GPC5: variants seen among roughly 807,000 people sequenced by gnomAD.
The protein encoded by GPC5 is glypican-5.
GPC5 carries 47 observed loss-of-function variants against 53.9 expected under a neutral mutation model. The observed-to-expected ratio is 0.87, with a 90% CI of 0.69 to 1.11. The LOEUF is 1.11. Ranked by LOEUF, GPC5 falls within the 50% of genes most tolerant of loss-of-function variation. The pLI is 0.00. For missense variants in GPC5, 748 were observed against 713.1 expected, an observed-to-expected ratio of 1.05 and a Z score of -0.56; for synonymous variants, 286 against 263.3, an observed-to-expected ratio of 1.09 and a Z score of -0.84.
rs1566549668 is a variant in GPC5 at position 92,347,869 on chromosome 13, TATATAA to T, written c.1561+202881_1561+202886del. Among the ~76,000 whole-genome samples, 7 of 8,792 alleles carry T rather than the reference TATATAA, an allele frequency of 8.0e-4. 2 individuals carry two copies. Among genetic ancestry groups the T allele is most frequent in the Non-Finnish European group, 1.1e-3 (7 of 6,088 alleles). 5.8% of individuals were successfully genotyped at this position (8,792 alleles called of 152,430 possible). The stretch of plus-strand genomic sequence containing the variant: ...CTGTTTTATACATATATATATTATA[TATATAA>T]TATATATTATATATATTATATATAT... On this transcript the variant is annotated intron_variant, in intron 7 of 7. Coordinates refer to ENST00000377067, the MANE Select transcript of GPC5 (RefSeq NM_004466.6).
At position 92,326,887 on chromosome 13, in the gene GPC5, A is replaced by T. The variant is rs150298635; in HGVS notation, c.1561+181898A>T. Among the ~76,000 whole-genome samples the T allele has an allele frequency of 5.8e-3, 875 of 152,114 alleles. 6 individuals carry two copies. Among genetic ancestry groups the T allele is most frequent in the African/African-American group, 0.02 (840 of 41,514 alleles). On this transcript the variant is annotated intron_variant, in intron 7 of 7. Coordinates refer to ENST00000377067, the MANE Select transcript of GPC5 (RefSeq NM_004466.6). Reference sequence around the variant, plus strand: ...GCATCAGGCTCTATGGTCAGGGAGGAATGTCCCTTACTAGCCGTAAACATT... The same window carrying T: ...GCATCAGGCTCTATGGTCAGGGAGGTATGTCCCTTACTAGCCGTAAACATT...
intron 7 of GPC5, among the ~76,000 whole-genome samples, chr13:92,319,209 G>A (rs2043199775): frequency 6.6e-6 from 1 of 152,014 alleles, no homozygotes; most frequent in Non-Finnish European, 1.5e-5. Flanking sequence ...AACAAGTGAG[G>A]ATTTGAATAT....
At chr13:92,231,884 T>C (rs546067597) in intron 7 of GPC5, among the ~76,000 whole-genome samples, 29 of 152,260 alleles carry the variant, frequency 1.9e-4, no homozygotes, top group African/African-American at 7.0e-4. Flanking sequence ...GAGAATCGCT[T>C]GAAACCGGAA....
At chr13:92,238,080 T>C (rs7997543) in intron 7 of GPC5, among the ~76,000 whole-genome samples, 97,168 of 151,534 alleles carry the variant, frequency 0.64, 32,069 homozygotes, top group African/African-American at 0.79. Flanking sequence ...GGATATCATT[T>C]AATGGTCACC....
intron 7 of GPC5, among the ~76,000 whole-genome samples, chr13:92,696,166 A>G (rs1887550242): frequency 6.6e-6 from 1 of 152,162 alleles, no homozygotes; most frequent in East Asian, 1.9e-4. Context: ...ATACGTGTGC[A>G]TGTGTCTTTA....
At chr13:91,422,926 C>G (rs1356389860) in intron 1 of GPC5, among the ~76,000 whole-genome samples, 1 of 152,168 alleles carries the variant, frequency 6.6e-6, no homozygotes, top group Non-Finnish European at 1.5e-5. Context: ...GGCCTCATGT[C>G]TTAATACTGT....
At chr13:91,781,837 T>G (rs537631595) in intron 5 of GPC5, among the ~76,000 whole-genome samples, 2 of 152,288 alleles carry the variant, frequency 1.3e-5, no homozygotes, top group Admixed American at 6.5e-5. Context: ...AACAATAAAC[T>G]TCCACTCTTC....
chr13:91,544,581 C>T (rs1194280825), intron 2 of GPC5, among the ~76,000 whole-genome samples: 1 of 152,144 alleles, frequency 6.6e-6, no homozygotes, highest in East Asian at 1.9e-4. Context: ...AAGTTGTATT[C>T]ATATTTCTTC....
intron 7 of GPC5, among the ~76,000 whole-genome samples, chr13:92,226,682 TCTG>T (rs2139095005): frequency 6.6e-6 from 1 of 151,650 alleles, no homozygotes; most frequent in African/African-American, 2.4e-5. Flanking sequence ...CACTGCCACC[TCTG>T]CCTCCTGGGT....
chr13:92,202,088 T>A (rs1472270093), intron 7 of GPC5, among the ~76,000 whole-genome samples: 1 of 152,194 alleles, frequency 6.6e-6, no homozygotes, highest in East Asian at 1.9e-4. Flanking sequence ...CAGAAGTCAG[T>A]CTCAAACATT....
chr13:91,972,412 CTT>C (rs1180530699), intron 6 of GPC5, among the ~76,000 whole-genome samples: 18 of 152,180 alleles, frequency 1.2e-4, no homozygotes, highest in African/African-American at 2.6e-4. Context: ...GGTCTTGACT[CTT>C]TATCCAATTT....
chr13:92,537,334 A>G (rs1462638370), intron 7 of GPC5, among the ~76,000 whole-genome samples: 1 of 152,162 alleles, frequency 6.6e-6, no homozygotes, highest in Admixed American at 6.6e-5. Context: ...TGTGGCTTAA[A>G]TAAATGCTTT....
intron 1 of GPC5, among the ~76,000 whole-genome samples, chr13:91,412,706 T>C (rs961297855): frequency 1.3e-5 from 2 of 152,248 alleles, no homozygotes; most frequent in African/African-American, 4.8e-5. Context: ...CTAATGTTCC[T>C]GTGACTGTAG....
intron 6 of GPC5, among the ~76,000 whole-genome samples, chr13:92,086,618 T>C (rs920382181): frequency 6.6e-5 from 10 of 152,144 alleles, no homozygotes; most frequent in African/African-American, 2.2e-4. Flanking sequence ...CTTCCACTTT[T>C]GCCTCACTTA....
chr13:92,004,461 T>TATATATATATATAA (rs2040586707), intron 6 of GPC5, among the ~76,000 whole-genome samples: 1 of 41,370 alleles, frequency 2.4e-5, no homozygotes, highest in Non-Finnish European at 6.1e-5. Context: ...AAAAAAATTA[T>TATATATATATATAA]ATATATATAT....
At chr13:92,232,287 G>T (rs933001659) in intron 7 of GPC5, among the ~76,000 whole-genome samples, 6 of 151,822 alleles carry the variant, frequency 4.0e-5, no homozygotes, top group African/African-American at 1.2e-4. Context: ...TGGGGTGGGG[G>T]TGTGGGGGCG....
intron 6 of GPC5, among the ~76,000 whole-genome samples, chr13:92,137,001 A>G (rs988416686): frequency 1.3e-5 from 2 of 152,188 alleles, no homozygotes; most frequent in African/African-American, 4.8e-5. Flanking sequence ...ATTTTTGGCT[A>G]ATCAGCTGAC....
chr13:91,404,668 C>T (rs866408672), intron 1 of GPC5, among the ~76,000 whole-genome samples: 3 of 152,106 alleles, frequency 2.0e-5, no homozygotes, highest in African/African-American at 7.2e-5. Context: ...TGCATCAGGG[C>T]CACATATGGC....
chr13:91,751,942 C>A (rs2037186519), intron 4 of GPC5, among the ~76,000 whole-genome samples: 2 of 152,058 alleles, frequency 1.3e-5, no homozygotes, highest in South Asian at 4.1e-4. Context: ...AACAAAATAC[C>A]ACAGACTGGG....
Sources: allele counts gnomAD v4.1 joint callset (sites outside exome capture counted in the v4.1 genomes callset), GRCh38; gene constraint gnomAD v4.1.1; transcripts MANE v1.5; gene names NCBI Gene and HGNC (gene_info 2026-07-23, HGNC 2026-07-21).